Variants in SLC25A48 observed in about 807,000 individuals in gnomAD.
The protein encoded by SLC25A48 is solute carrier family 25 member 48.
Under a neutral mutation model 32.2 loss-of-function variants are expected in SLC25A48, and 29 were observed. That is an observed-to-expected ratio of 0.90 (90% CI 0.67 to 1.23). The LOEUF (loss-of-function observed/expected upper bound fraction) is 1.23, where lower values mean the gene tolerates loss of function less well. Ranked by LOEUF, SLC25A48 falls within the 50% of genes most tolerant of loss-of-function variation. The pLI, the probability that SLC25A48 is intolerant of heterozygous loss-of-function variation, is 0.00. For synonymous variants in SLC25A48, 164 were observed against 172.3 expected (o/e 0.95, Z 0.38); for missense variants, 399 against 422.7 (o/e 0.94, Z 0.49).
intron 7 of SLC25A48, among the ~76,000 whole-genome samples, chr5:135,884,601 G>A (rs917093848): frequency 1.3e-5 from 2 of 152,160 alleles, no homozygotes; most frequent in African/African-American, 2.4e-5. Flanking sequence ...CAGCCTGCCT[G>A]TCTGCCCCAG....
intron 3 of SLC25A48, among the ~76,000 whole-genome samples, chr5:135,796,474 T>G: frequency 6.6e-6 from 1 of 151,322 alleles, no homozygotes; most frequent in African/African-American, 2.4e-5. Context: ...TCCCAGGGAG[T>G]GTACACACCC....
intron 4 of SLC25A48, among the ~76,000 whole-genome samples, chr5:135,816,263 C>T (rs974144175): frequency 1.3e-5 from 2 of 152,268 alleles, no homozygotes; most frequent in African/African-American, 4.8e-5. Context: ...GGACACAGAA[C>T]CAAACCATAT....
At chr5:135,757,846 G>A (rs572318961) in intron 3 of SLC25A48, among the ~76,000 whole-genome samples, 1 of 150,160 alleles carries the variant, frequency 6.7e-6, no homozygotes, top group South Asian at 2.1e-4. Context: ...ATAATAGCTA[G>A]TGTTAACTCA....
At chr5:135,817,028 T>C (rs1580911090) in intron 4 of SLC25A48, among the ~76,000 whole-genome samples, 2 of 152,230 alleles carry the variant, frequency 1.3e-5, no homozygotes, top group African/African-American at 4.8e-5. Flanking sequence ...ATTGTAAAAA[T>C]ATAAAAATGT....
chr5:135,628,908 T>G (rs1316881820), intron 1 of SLC25A48, among the ~76,000 whole-genome samples: 1 of 152,204 alleles, frequency 6.6e-6, no homozygotes, highest in Non-Finnish European at 1.5e-5. Context: ...CTTGCATGTC[T>G]CAGACCCCTG....
At chr5:135,838,056 G>A (rs1229355857) in intron 1 of SLC25A48, among the ~76,000 whole-genome samples, 1 of 152,212 alleles carries the variant, frequency 6.6e-6, no homozygotes, top group Non-Finnish European at 1.5e-5. Context: ...AATGCTGGTA[G>A]TGATATGGAC....
At chr5:135,731,874 A>G (rs1260054814) in intron 3 of SLC25A48, among the ~76,000 whole-genome samples, 1 of 152,238 alleles carries the variant, frequency 6.6e-6, no homozygotes, top group Non-Finnish European at 1.5e-5. Context: ...GCCTGGAGAA[A>G]CAGTGTAAAC....
In SLC25A48 at chr5:135,816,661, T is replaced by C. The variant is rs370615264; in HGVS notation, c.-117+3735T>C. ...AAATGAGACTGTTAAAAGTTGGTTA[T>C]TAGGGACTTCTGCTTATAGTCATGG... On this transcript the variant is annotated intron_variant, in intron 4 of 10. Coordinates refer to the SLC25A48 transcript ENST00000646290. 3.3e-4 allele frequency among the ~76,000 whole-genome samples: 51 copies of C among 152,322 alleles called. No individual in the cohort carries two copies. In the East Asian group the frequency reaches 9.6e-3, roughly 29 times the overall value.
chr5:135,808,726 G>A (rs1259443179), intron 3 of SLC25A48, among the ~76,000 whole-genome samples: 1 of 152,070 alleles, frequency 6.6e-6, no homozygotes, highest in Non-Finnish European at 1.5e-5. Flanking sequence ...ATTTGTACAT[G>A]TAAAGCACAA....
chr5:135,691,679 T>C (rs1754146683), intron 3 of SLC25A48, among the ~76,000 whole-genome samples: 1 of 152,214 alleles, frequency 6.6e-6, no homozygotes, highest in Non-Finnish European at 1.5e-5. Flanking sequence ...AGATTCCTTA[T>C]TACCTGCCCT....
chr5:135,802,417 G>A (rs1757353263), intron 3 of SLC25A48, among the ~76,000 whole-genome samples: 1 of 151,350 alleles, frequency 6.6e-6, no homozygotes, highest in Non-Finnish European at 1.5e-5. Context: ...CATATACCTT[G>A]TGATATTATT....
exon 3 of SLC25A48, chr5:135,634,819 G>T (rs906093248): frequency 6.6e-6 from 1 of 152,188 alleles, no homozygotes; most frequent in Non-Finnish European, 1.5e-5. Context: ...CTGTGCCACC[G>T]TGTTAAGAAG....
At chr5:135,868,383 A>G (rs768621112) in intron 4 of SLC25A48, among the ~76,000 whole-genome samples, 68 of 152,344 alleles carry the variant, frequency 4.5e-4, no homozygotes, top group Admixed American at 9.1e-4. Context: ...GAAATGTTCC[A>G]GATTGAAGCA....
chr5:135,818,555 A>G (rs1026114098), intron 4 of SLC25A48, among the ~76,000 whole-genome samples: 2 of 152,248 alleles, frequency 1.3e-5, no homozygotes, highest in African/African-American at 4.8e-5. Context: ...AAGACAAGAC[A>G]GAACTTGCAG....
At chr5:135,585,441 C>T (rs921941809) in intron 1 of SLC25A48, among the ~76,000 whole-genome samples, 1 of 152,214 alleles carries the variant, frequency 6.6e-6, no homozygotes, top group Non-Finnish European at 1.5e-5. Flanking sequence ...CACCTGCTGT[C>T]CGCGTGGCTC....
At chr5:135,867,467 A>G (rs1761292644) in intron 4 of SLC25A48, among the ~76,000 whole-genome samples, 1 of 152,214 alleles carries the variant, frequency 6.6e-6, no homozygotes, top group African/African-American at 2.4e-5. Context: ...ACTCCGATCC[A>G]GTGTTTTCCT....
At chr5:135,640,205 G>C (rs1458909332) in intron 3 of SLC25A48, among the ~76,000 whole-genome samples, 1 of 152,176 alleles carries the variant, frequency 6.6e-6, no homozygotes, top group Non-Finnish European at 1.5e-5. Context: ...GAGAACAATG[G>C]AAATGTTTCA....
At chr5:135,682,397 T>C (rs1753917719) in intron 3 of SLC25A48, among the ~76,000 whole-genome samples, 1 of 152,210 alleles carries the variant, frequency 6.6e-6, no homozygotes, top group Admixed American at 6.5e-5. Context: ...CTTGGTACTT[T>C]TCAACCTGGC....
At chr5:135,743,223 C>T (rs1755551141) in intron 3 of SLC25A48, among the ~76,000 whole-genome samples, 1 of 149,310 alleles carries the variant, frequency 6.7e-6, no homozygotes, top group Admixed American at 6.7e-5. Context: ...AGGTGGCTGC[C>T]ATCAAGCCTG....
Sources: allele counts gnomAD v4.1 joint callset (sites outside exome capture counted in the v4.1 genomes callset), GRCh38; gene constraint gnomAD v4.1.1; transcripts MANE v1.5; gene names NCBI Gene and HGNC (gene_info 2026-07-23, HGNC 2026-07-21).